Variants in HS2ST1 observed in about 807,000 individuals in gnomAD.
HS2ST1 encodes 2-O-sulfotransferase.
A neutral mutation model predicts 42.9 loss-of-function variants in HS2ST1; 18 were observed. The ratio of observed to expected loss-of-function variants is 0.42; its 90% confidence interval spans 0.29 to 0.62. The LOEUF is 0.62. Among genes scored for constraint, HS2ST1 ranks in the 20% least tolerant of loss-of-function variants. HS2ST1 has a pLI of 0.21. For missense variants in HS2ST1, 334 were observed against 433.8 expected (o/e 0.77, Z 2.04); for synonymous variants, 146 against 152.9 (o/e 0.95, Z 0.33).
At chr1:86,987,142 TCA>T (rs1648811395) in intron 1 of HS2ST1, among the ~76,000 whole-genome samples, 1 of 146,540 alleles carries the variant, frequency 6.8e-6, no homozygotes, top group African/African-American at 2.5e-5. Context: ...TGATCTTGAC[TCA>T]CTGCAACCTC....
intron 5 of HS2ST1, chr1:87,098,399 C>T: frequency 2.4e-6 from 2 of 840,830 alleles, no homozygotes; most frequent in Non-Finnish European, 2.9e-6. Flanking sequence ...TAGTAAATAT[C>T]AAGTGGAAAA....
intron 1 of HS2ST1, among the ~76,000 whole-genome samples, chr1:86,952,011 C>T (rs1018936258): frequency 6.6e-6 from 1 of 152,174 alleles, no homozygotes; most frequent in African/African-American, 2.4e-5. Context: ...AATCCCAGCA[C>T]GTGTAGTGAC....
chr1:87,041,873 G>A (rs1650532628), intron 1 of HS2ST1, among the ~76,000 whole-genome samples: 1 of 151,940 alleles, frequency 6.6e-6, no homozygotes, highest in African/African-American at 2.4e-5. Flanking sequence ...TTACATATTG[G>A]CTGTTGTGTA....
At chr1:87,065,143 T>C (rs1651216457) in intron 1 of HS2ST1, among the ~76,000 whole-genome samples, 1 of 152,210 alleles carries the variant, frequency 6.6e-6, no homozygotes. Context: ...ACAGCTTTCT[T>C]TTGGTGCATC....
intron 1 of HS2ST1, among the ~76,000 whole-genome samples, chr1:86,946,058 T>C (rs761212099): frequency 1.5e-4 from 23 of 152,302 alleles, no homozygotes; most frequent in South Asian, 1.0e-3. Context: ...GAAATAAACA[T>C]TGGGTTTTAC....
intron 1 of HS2ST1, among the ~76,000 whole-genome samples, chr1:87,057,974 C>A (rs1194196106): frequency 6.6e-6 from 1 of 151,714 alleles, no homozygotes; most frequent in East Asian, 1.9e-4. Context: ...TCCCTTCCTC[C>A]CACCCAGTTG....
At chr1:86,992,715 T>C (rs1648990982) in intron 1 of HS2ST1, among the ~76,000 whole-genome samples, 1 of 152,302 alleles carries the variant, frequency 6.6e-6, no homozygotes, top group East Asian at 1.9e-4. Flanking sequence ...TCTTTTTCTT[T>C]TACCAGTCTT....
At chr1:86,940,671 C>T (rs547295511) in intron 1 of HS2ST1, among the ~76,000 whole-genome samples, 2 of 152,262 alleles carry the variant, frequency 1.3e-5, no homozygotes, top group Admixed American at 6.5e-5. Flanking sequence ...CTAAAATTCT[C>T]ATATGACTTT....
intron 1 of HS2ST1, chr1:86,932,053 C>T (rs185228781): frequency 5.9e-5 from 9 of 152,044 alleles, no homozygotes; most frequent in African/African-American, 1.9e-4. Flanking sequence ...GGATTACAAG[C>T]ATGAGCCACT....
chr1:87,081,673 TAATG>T (rs1651693440), intron 2 of HS2ST1, among the ~76,000 whole-genome samples: 2 of 151,550 alleles, frequency 1.3e-5, no homozygotes, highest in Admixed American at 6.6e-5. Context: ...ATAGAAGAAA[TAATG>T]ATGATCAGAA....
intron 1 of HS2ST1, among the ~76,000 whole-genome samples, chr1:87,013,267 A>C (rs775442457): frequency 6.6e-6 from 1 of 152,200 alleles, no homozygotes; most frequent in East Asian, 1.9e-4. Context: ...AGGCATTTCC[A>C]TACAACCTCT....
At chr1:87,094,990 A>T (rs761317682) in intron 4 of HS2ST1, among the ~76,000 whole-genome samples, 2 of 152,112 alleles carry the variant, frequency 1.3e-5, no homozygotes, top group Non-Finnish European at 2.9e-5. Context: ...GACAGAATGT[A>T]CCTTTTCAGT....
At position 87,003,403 on chromosome 1, in the gene HS2ST1, A is replaced by C. The variant is rs538753964; in HGVS notation, c.125-69531A>C. 2.6e-5 allele frequency among the ~76,000 whole-genome samples: 4 copies of C among 152,362 alleles called. No individual in the cohort carries two copies. In the East Asian group the frequency reaches 7.7e-4, roughly 29 times the overall value. On this transcript the variant is annotated intron_variant, in intron 1 of 6. Transcript: ENST00000370550. The stretch of plus-strand genomic sequence containing the variant: ...TAATTTTTGAATGTATACAGTATTC[A>C]TGAACAAAAACCAGTTAGTTTTTGT...
At chr1:86,941,370 G>A (rs895219084) in intron 1 of HS2ST1, among the ~76,000 whole-genome samples, 4 of 152,022 alleles carry the variant, frequency 2.6e-5, no homozygotes, top group Non-Finnish European at 4.4e-5. Flanking sequence ...CTGCCAGGTT[G>A]AGAGACAAAG....
chr1:87,053,558 G>GA (rs1341982459), intron 1 of HS2ST1, among the ~76,000 whole-genome samples: 2 of 151,860 alleles, frequency 1.3e-5, no homozygotes, highest in African/African-American at 4.8e-5. Flanking sequence ...TTTTACTTTG[G>GA]AAAAAAATGC....
rs1291394754 is a variant in HS2ST1, at chr1:86,953,412, G to A, written c.124+38252G>A. 2.0e-5 allele frequency among the ~76,000 whole-genome samples: 3 copies of A among 152,148 alleles called. No individual in the cohort carries two copies. The East Asian group carries it at 5.8e-4, about 29-fold the overall frequency. On this transcript the variant is annotated intron_variant, in intron 1 of 6. Coordinates refer to ENST00000370550, the MANE Select transcript of HS2ST1 (RefSeq NM_012262.4). ...TTTGCATTCTCAACTTGACTCTTTG[G>A]CACAAGAGTCCTAGCTTTCAGCCTG...
chr1:87,088,796 TA>T (rs1651872828), intron 3 of HS2ST1, among the ~76,000 whole-genome samples: 8 of 152,018 alleles, frequency 5.3e-5, no homozygotes, highest in Admixed American at 5.3e-4. Flanking sequence ...TTTTAAGACA[TA>T]AATTACTTTA....
intron 5 of HS2ST1, among the ~76,000 whole-genome samples, chr1:87,099,475 G>A (rs899722119): frequency 1.3e-5 from 2 of 152,118 alleles, no homozygotes; most frequent in Non-Finnish European, 2.9e-5. Context: ...ATCACCAAGG[G>A]GATGGCACTA....
intron 1 of HS2ST1, among the ~76,000 whole-genome samples, chr1:86,963,744 G>GCCCCC (rs370405012): frequency 2.2e-4 from 28 of 127,202 alleles, no homozygotes; most frequent in African/African-American, 8.0e-4. Flanking sequence ...AGGCAGAGGC[G>GCCCCC]CCCCCCCCCC....
Sources: allele counts gnomAD v4.1 joint callset (sites outside exome capture counted in the v4.1 genomes callset), GRCh38; gene constraint gnomAD v4.1.1; transcripts MANE v1.5; gene names NCBI Gene and HGNC (gene_info 2026-07-23, HGNC 2026-07-21).